The following CDH12 variants were observed in gnomAD, a reference collection of about 807,000 sequenced individuals.
CDH12 encodes cadherin 12.
CDH12 carries 41 observed loss-of-function variants against 74.1 expected under a neutral mutation model. The observed-to-expected ratio is 0.55, with a 90% CI of 0.43 to 0.72. The LOEUF is 0.72. CDH12 is among the 30% of genes least tolerant of loss of function. The pLI is 0.00. For synonymous variants in CDH12, 399 were observed against 355.0 expected (o/e 1.12, Z -1.39); for missense variants, 945 against 977.2 (o/e 0.97, Z 0.44).
chr5:22,783,033 A>T (rs968584569), intron 1 of CDH12, among the ~76,000 whole-genome samples: 3 of 145,422 alleles, frequency 2.1e-5, no homozygotes, highest in African/African-American at 7.7e-5. Flanking sequence ...GTGCCATTTT[A>T]TTGCTTTATA....
At chr5:22,295,850 GC>G (rs1737602089) in intron 3 of CDH12, among the ~76,000 whole-genome samples, 1 of 151,932 alleles carries the variant, frequency 6.6e-6, no homozygotes, top group African/African-American at 2.4e-5. Context: ...ATGAATACTA[GC>G]AAGCCAATAC....
At chr5:22,337,137 T>G (rs1217575143) in intron 3 of CDH12, among the ~76,000 whole-genome samples, 1 of 152,214 alleles carries the variant, frequency 6.6e-6, no homozygotes, top group Non-Finnish European at 1.5e-5. Context: ...CCCCTTTGTT[T>G]TGGCCAATTT....
At chr5:22,020,158 C>A (rs1189612901) in intron 5 of CDH12, among the ~76,000 whole-genome samples, 2 of 152,082 alleles carry the variant, frequency 1.3e-5, no homozygotes, top group Non-Finnish European at 2.9e-5. Flanking sequence ...ATAATGACTG[C>A]AAGACAGGGT....
intron 4 of CDH12, among the ~76,000 whole-genome samples, chr5:22,121,978 C>A (rs548461866): frequency 6.6e-6 from 1 of 151,866 alleles, no homozygotes; most frequent in Non-Finnish European, 1.5e-5. Context: ...CCACTTTGAC[C>A]ACCACAGATC....
chr5:21,766,774 T>C (rs1192675126), intron 11 of CDH12, among the ~76,000 whole-genome samples: 1 of 151,984 alleles, frequency 6.6e-6, no homozygotes, highest in African/African-American at 2.4e-5. Flanking sequence ...TAATGCCTAA[T>C]ACTTTAGAAT....
intron 5 of CDH12, among the ~76,000 whole-genome samples, chr5:22,065,542 A>G (rs1741498889): frequency 6.6e-6 from 1 of 152,122 alleles, no homozygotes; most frequent in African/African-American, 2.4e-5. Flanking sequence ...ATGGAAGACA[A>G]AACTCAAAGG....
intron 3 of CDH12, among the ~76,000 whole-genome samples, chr5:22,300,865 G>T (rs1003338603): frequency 6.6e-6 from 1 of 151,974 alleles, no homozygotes; most frequent in African/African-American, 2.4e-5. Flanking sequence ...TTCTCTCAAA[G>T]GTTAAAACTA....
intron 9 of CDH12, among the ~76,000 whole-genome samples, chr5:21,815,873 A>C (rs11958618): frequency 0.046 from 7,045 of 152,270 alleles, 246 homozygotes; most frequent in Middle Eastern, 0.12. Context: ...TTGTTTTTAA[A>C]TTAATCTTTT....
intron 6 of CDH12, among the ~76,000 whole-genome samples, chr5:21,881,551 T>C (rs897095547): frequency 6.6e-6 from 1 of 152,178 alleles, no homozygotes; most frequent in African/African-American, 2.4e-5. Flanking sequence ...TAAGCTGTTT[T>C]ATTTTGTTTG....
At chr5:21,879,190 T>TA (rs1296672861) in intron 6 of CDH12, among the ~76,000 whole-genome samples, 2 of 152,032 alleles carry the variant, frequency 1.3e-5, no homozygotes, top group African/African-American at 2.4e-5. Context: ...GTTCACACTA[T>TA]AAAAAAAACT....
chr5:22,522,498 C>T (rs929617397), intron 1 of CDH12, among the ~76,000 whole-genome samples: 36 of 152,096 alleles, frequency 2.4e-4, no homozygotes, highest in African/African-American at 8.7e-4. Flanking sequence ...CATAGCTAGT[C>T]GGATTCTCTG....
In CDH12 at chr5:22,505,373, A is replaced by C. The variant is rs901187928; in HGVS notation, c.-522-9T>G. 52 of 836,548 alleles carry C rather than the reference A, an allele frequency of 6.2e-5. No individual in the cohort carries two copies. Among genetic ancestry groups the C allele is most frequent in the Non-Finnish European group, 7.5e-5 (52 of 694,142 alleles). 51.8% of individuals were successfully genotyped at this position (836,548 alleles called of 1,614,324 possible). A position where few individuals can be genotyped will look rare whatever the true frequency, so the allele number is the denominator to read the frequency against. On this transcript the variant is annotated splice_polypyrimidine_tract_variant and intron_variant, in intron 1 of 14. Transcript: ENST00000382254. ...GCTGTTAGGTAACAAAGCTGGAAAG[A>C]CAAACATATACAGTCAGAATGTTAA...
intron 1 of CDH12, among the ~76,000 whole-genome samples, chr5:22,511,875 A>T (rs1162882658): frequency 6.6e-6 from 1 of 152,190 alleles, no homozygotes; most frequent in Non-Finnish European, 1.5e-5. Flanking sequence ...TAATTATTTC[A>T]ACTAATGAAT....
intron 1 of CDH12, among the ~76,000 whole-genome samples, chr5:22,797,487 G>T (rs1049094215): frequency 6.6e-6 from 1 of 152,144 alleles, no homozygotes; most frequent in African/African-American, 2.4e-5. Flanking sequence ...GTACTAAGTG[G>T]CTTCTGACTC....
At chr5:22,714,488 A>G (rs1227772149) in intron 1 of CDH12, among the ~76,000 whole-genome samples, 1 of 152,180 alleles carries the variant, frequency 6.6e-6, no homozygotes, top group Non-Finnish European at 1.5e-5. Flanking sequence ...TTAGATAAAT[A>G]TGCTCTGCTA....
intron 5 of CDH12, among the ~76,000 whole-genome samples, chr5:22,063,458 G>T (rs1741333865): frequency 1.3e-5 from 2 of 151,894 alleles, no homozygotes; most frequent in Non-Finnish European, 2.9e-5. Context: ...CTTTCCTTGG[G>T]TTTCTTGCTG....
intron 3 of CDH12, among the ~76,000 whole-genome samples, chr5:22,366,562 G>A (rs921028724): frequency 2.0e-5 from 3 of 151,912 alleles, no homozygotes; most frequent in African/African-American, 7.3e-5. Flanking sequence ...AATTTGTTTT[G>A]ATTACATTAA....
intron 6 of CDH12, among the ~76,000 whole-genome samples, chr5:21,963,537 G>A (rs1335912384): frequency 6.6e-6 from 1 of 151,988 alleles, no homozygotes; most frequent in Non-Finnish European, 1.5e-5. Flanking sequence ...TGAAAAACTT[G>A]TACTTCTTGT....
At chr5:22,315,781 C>A (rs1485452769) in intron 3 of CDH12, among the ~76,000 whole-genome samples, 2 of 152,082 alleles carry the variant, frequency 1.3e-5, no homozygotes, top group South Asian at 2.1e-4. Flanking sequence ...GGAAGAGGAA[C>A]AGGAGAGTAA....
Sources: allele counts gnomAD v4.1 joint callset (sites outside exome capture counted in the v4.1 genomes callset), GRCh38; gene constraint gnomAD v4.1.1; transcripts MANE v1.5; gene names NCBI Gene and HGNC (gene_info 2026-07-23, HGNC 2026-07-21).